The following TMEM260 variants were observed in gnomAD, a reference collection of about 807,000 sequenced individuals.
The protein encoded by TMEM260 is transmembrane protein 260, also known as protein O-mannosyl-transferase TMEM260.
In TMEM260, 82 loss-of-function variants were observed where a neutral mutation model predicts 88.9. The ratio of observed to expected loss-of-function variants is 0.92; its 90% CI spans 0.77 to 1.11. The LOEUF is 1.11. TMEM260 is among the 50% of genes least tolerant of loss of function. The pLI, the probability that TMEM260 is intolerant of heterozygous loss-of-function variation, is 0.00. For missense variants in TMEM260, 902 were observed against 853.4 expected (o/e 1.06, Z -0.71); for synonymous variants, 314 against 309.3 (o/e 1.02, Z -0.16).
chr14:56,617,272 T>A lies in TMEM260; in HGVS notation c.1031T>A (p.Ile344Asn). Residue 344 changes from isoleucine to asparagine, a missense_variant, in exon 9 of 16, where the codon ATT (isoleucine) becomes AAT (asparagine). Physicochemically the swap from Ile to Asn is moderately radical, Grantham distance 149 (BLOSUM62 -3). Transcript: ENST00000261556. ...LFFAWRANLD[I>N]SKPLFMGVVE... ...TTTGCTTGGAGAGCAAATTTAGATA[T>A]TTCAAAACCACTTTTCATGGGTGTG... The A allele has an allele frequency of 1.3e-6, 2 of 1,599,332 alleles. No homozygotes were observed. Among genetic ancestry groups the A allele is most frequent in the Middle Eastern group, 3.3e-4 (2 of 6,020 alleles).
At chr14:56,628,607 C>T (rs1440073818) in intron 12 of TMEM260, among the ~76,000 whole-genome samples, 2 of 151,946 alleles carry the variant, frequency 1.3e-5, no homozygotes, top group African/African-American at 2.4e-5. Flanking sequence ...TGTATTTGTA[C>T]TTTTCGCTGT....
the TMEM260 span, among the ~76,000 whole-genome samples, chr14:56,662,766 C>T: frequency 6.6e-6 from 1 of 152,246 alleles, no homozygotes; most frequent in Non-Finnish European, 1.5e-5. Flanking sequence ...CCAGAACCCT[C>T]AGTGCAAGGG....
At chr14:56,612,308 T>G (rs376141408) in intron 7 of TMEM260, 23 bp downstream of exon 7, 1 of 1,592,098 alleles carries the variant, frequency 6.3e-7, no homozygotes, top group South Asian at 1.1e-5. Flanking sequence ...TATTTGAAAC[T>G]ACTTTAAAAT....
intron 15 of TMEM260, among the ~76,000 whole-genome samples, chr14:56,638,924 C>T (rs1020347250): frequency 2.0e-4 from 30 of 152,178 alleles, no homozygotes; most frequent in African/African-American, 6.7e-4. Context: ...TATAATTCCA[C>T]ATAACGAAGA....
chr14:56,598,880 G>A (rs188266360), intron 3 of TMEM260, among the ~76,000 whole-genome samples: 1 of 152,264 alleles, frequency 6.6e-6, no homozygotes. Flanking sequence ...CAGACTTTCA[G>A]GACAAATACT....
Position 56,603,294 on chromosome 14 carries a change from A to T in TMEM260, c.345-521A>T, listed in dbSNP as rs536940459. On this transcript the variant is annotated intron_variant, in intron 3 of 15. Coordinates refer to ENST00000261556, the MANE Select transcript of TMEM260 (RefSeq NM_017799.4). ...CAAAGTAAGAAATGCACTGTATAAG[A>T]TATTGAAATCATCAGATATTGTGAT... is the stretch of plus-strand genomic sequence containing the variant. 1.7e-4 allele frequency among the ~76,000 whole-genome samples: 26 copies of T among 152,308 alleles called. No individual in the cohort carries two copies. The East Asian group carries it at 4.6e-3, about 27-fold the overall frequency.
intron 1 of TMEM260, among the ~76,000 whole-genome samples, chr14:56,583,128 A>G (rs1045110248): frequency 6.6e-6 from 1 of 152,224 alleles, no homozygotes; most frequent in African/African-American, 2.4e-5. Flanking sequence ...AAAAGATTAC[A>G]GGAACAAAAA....
intron 11 of TMEM260, among the ~76,000 whole-genome samples, chr14:56,624,006 A>G (rs1489223419): frequency 1.3e-5 from 2 of 152,198 alleles, no homozygotes; most frequent in Non-Finnish European, 2.9e-5. Flanking sequence ...GATTTTTTCT[A>G]ATATAAGTAA....
the TMEM260 span, among the ~76,000 whole-genome samples, chr14:56,661,646 T>C: frequency 2.0e-5 from 3 of 151,998 alleles, no homozygotes; most frequent in Admixed American, 1.3e-4. Context: ...AAGGAATGAC[T>C]AGCCAATTCC....
chr14:56,653,845 T>C (rs1890254412), downstream of TMEM260, among the ~76,000 whole-genome samples: 1 of 151,522 alleles, frequency 6.6e-6, no homozygotes, highest in Admixed American at 6.6e-5. Flanking sequence ...ACATCTATAC[T>C]AAACAAGTGA....
intron 3 of TMEM260, among the ~76,000 whole-genome samples, chr14:56,595,465 T>C (rs1886147946): frequency 6.6e-6 from 1 of 152,140 alleles, no homozygotes; most frequent in Admixed American, 6.6e-5. Context: ...TGAGTAACTG[T>C]GAACCTATAT....
At chr14:56,633,238 A>G in intron 13 of TMEM260, 67 bp downstream of exon 13, 3 of 1,331,946 alleles carry the variant, frequency 2.3e-6, no homozygotes, top group Non-Finnish European at 3.1e-6. Context: ...AAAAACTACT[A>G]CATTTTGAGA....
At chr14:56,625,283 G>T in intron 11 of TMEM260, 99 bp from the exon 12 acceptor site, 1 of 1,130,234 alleles carries the variant, frequency 8.8e-7, no homozygotes, top group Non-Finnish European at 1.3e-6. Context: ...ATATTAGGTT[G>T]GTGCAAAAGT....
intron 3 of TMEM260, among the ~76,000 whole-genome samples, chr14:56,599,504 A>G (rs1401504959): frequency 1.3e-5 from 2 of 152,124 alleles, no homozygotes; most frequent in African/African-American, 4.8e-5. Context: ...AGATGTTTCA[A>G]GTTATCTCAA....
At chr14:56,653,744 A>AAAACAAAAAAACAAAC (rs1354534201), downstream of TMEM260, among the ~76,000 whole-genome samples, 124 of 140,242 alleles carry the variant, frequency 8.8e-4, 3 homozygotes, top group Middle Eastern at 4.3e-3. Context: ...TCCAAAACAA[A>AAAACAAAAAAACAAAC]AAAAAAAAAA....
chr14:56,653,706 G>C (rs1444064741), downstream of TMEM260, among the ~76,000 whole-genome samples: 3 of 121,130 alleles, frequency 2.5e-5, no homozygotes, highest in Non-Finnish European at 4.7e-5. Context: ...CTGCACTCCA[G>C]CCTGGGTGAC....
chr14:56,609,175 C>G lies in TMEM260; in HGVS notation c.706C>G (p.Leu236Val). 1 of 1,614,134 alleles carries G rather than the reference C, an allele frequency of 6.2e-7. No individual in the cohort carries two copies. The part of the protein sequence containing the change: ...FSAGLLPYVH[L>V]PISSYLNHAR... ...TGCTGGTTTGCTGCCCTATGTCCAC[C>G]TTCCCATCTCATCTTACCTTAATCA... The change falls in exon 6 of 16, where the codon CTT becomes GTT. Residue 236 changes from leucine (L) to valine (V), a missense_variant. By Grantham distance (32) the Leu-to-Val change is conservative (BLOSUM62 1). Transcript: ENST00000261556.
At position 56,621,548 on chromosome 14, in the gene TMEM260, C is replaced by A; in HGVS notation, c.1244C>A (p.Thr415Asn). 2.5e-6 allele frequency: 4 copies of A among 1,605,634 alleles called. No homozygotes were observed. The highest frequency in any genetic ancestry group is 3.4e-6 in the Non-Finnish European group (4 of 1,176,728). Residue 415 changes from threonine (T) to asparagine (N), a missense_variant, in exon 11 of 16, where the codon ACC (threonine) becomes AAC (asparagine). Thr to Asn is a moderately conservative substitution (Grantham distance 65). Transcript: ENST00000261556. The part of the protein sequence containing the change: ...YSNYSVCDQR[T>N]NYVIDKFAKN... ...TTATTTAGTGTTTGTGACCAAAGGACCAACTATGTGATTGATAAGTTCGCA... is the reference window on the plus strand; with the variant it reads ...TTATTTAGTGTTTGTGACCAAAGGAACAACTATGTGATTGATAAGTTCGCA...
chr14:56,605,590 C>G lies in TMEM260; in HGVS notation c.543C>G (p.Phe181Leu). Reference sequence around the variant, plus strand: ...TTCAGGTAGCTAAAATTGGTGCTTTCTGCTGTGGCCTTAGTTTATGTAACC... The same window carrying G: ...TTCAGGTAGCTAAAATTGGTGCTTTGTGCTGTGGCCTTAGTTTATGTAACC... ...ERSKVAKIGA[F>L]CCGLSLCNQH... The change falls in exon 5 of 16, where the codon TTC becomes TTG. Residue 181 changes from phenylalanine to leucine, a missense_variant. Transcript: ENST00000261556. 3.2e-6 allele frequency: 5 copies of G among 1,539,582 alleles called. No individual in the cohort carries two copies. Among genetic ancestry groups the G allele is most frequent in the Non-Finnish European group, 4.4e-6 (5 of 1,144,652 alleles).
Sources: gnomAD v4.1 joint callset for allele counts (sites outside exome capture counted in the v4.1 genomes callset) on GRCh38, gnomAD v4.1.1 for gene constraint, MANE v1.5 for transcripts, NCBI Gene and HGNC (gene_info 2026-07-23, HGNC 2026-07-21) for gene names.